WDR70: variants seen among roughly 807,000 people sequenced by gnomAD.
WDR70 encodes WD repeat-containing protein 70.
In WDR70, 53 loss-of-function variants were observed where a neutral mutation model predicts 88.6. That is an observed-to-expected ratio of 0.60 (90% confidence interval 0.48 to 0.75). The LOEUF (loss-of-function observed/expected upper bound fraction) is 0.75, where lower values mean the gene tolerates loss of function less well. Among genes scored for constraint, WDR70 ranks in the 30% least tolerant of loss-of-function variants. The probability of loss-of-function intolerance (pLI) is 0.00; values close to 1 mark genes in which losing one functional copy is unlikely to be tolerated. For missense variants in WDR70, 610 were observed against 823.2 expected (o/e 0.74, Z 3.17); for synonymous variants, 280 against 270.0 (o/e 1.04, Z -0.36).
At chr5:37,494,200 A>G (rs1740149077) in intron 8 of WDR70, among the ~76,000 whole-genome samples, 1 of 152,208 alleles carries the variant, frequency 6.6e-6, no homozygotes, top group Non-Finnish European at 1.5e-5. Flanking sequence ...TTTAGATAGG[A>G]AATGAATAAT....
chr5:37,480,056 C>G, intron 8 of WDR70, 69 bp downstream of exon 8: 1 of 1,524,468 alleles, frequency 6.6e-7, no homozygotes, highest in Non-Finnish European at 8.8e-7. Flanking sequence ...TTTGAGTTAT[C>G]ATGTAATAAT....
At chr5:37,563,469 G>T (rs1201066407) in intron 9 of WDR70, among the ~76,000 whole-genome samples, 1 of 54,696 alleles carries the variant, frequency 1.8e-5, no homozygotes, top group Non-Finnish European at 4.5e-5. Context: ...CGGCTGGCCG[G>T]GCAGAGGGGC....
At chr5:37,695,430 T>C (rs1746952502) in intron 10 of WDR70, among the ~76,000 whole-genome samples, 1 of 152,182 alleles carries the variant, frequency 6.6e-6, no homozygotes, top group Non-Finnish European at 1.5e-5. Flanking sequence ...ACCATGCCTT[T>C]GGTTTCTCAC....
intron 8 of WDR70, among the ~76,000 whole-genome samples, chr5:37,502,212 G>T (rs186341142): frequency 3.5e-4 from 54 of 152,130 alleles, no homozygotes; most frequent in African/African-American, 1.3e-3. Context: ...TTGTAAAAGG[G>T]ATTGATTTGA....
intron 3 of WDR70, among the ~76,000 whole-genome samples, chr5:37,386,649 T>TATA (rs1409398774): frequency 6.6e-6 from 1 of 152,192 alleles, no homozygotes; most frequent in African/African-American, 2.4e-5. Flanking sequence ...ATAGTAGATG[T>TATA]ATATATTTGT....
At chr5:37,548,421 G>A (rs1742054035) in intron 9 of WDR70, among the ~76,000 whole-genome samples, 2 of 152,028 alleles carry the variant, frequency 1.3e-5, no homozygotes, top group Non-Finnish European at 2.9e-5. Context: ...ATGTCTGTTT[G>A]CAATTTGTAT....
intron 9 of WDR70, among the ~76,000 whole-genome samples, chr5:37,595,185 G>A (rs942782298): frequency 1.3e-5 from 2 of 152,196 alleles, no homozygotes; most frequent in Non-Finnish European, 2.9e-5. Flanking sequence ...ATGTTGAATA[G>A]GAGTGGTGAG....
At chr5:37,743,242 A>G (rs1748538028) in intron 17 of WDR70, among the ~76,000 whole-genome samples, 1 of 152,226 alleles carries the variant, frequency 6.6e-6, no homozygotes, top group Non-Finnish European at 1.5e-5. Context: ...CGGTGAGTGA[A>G]CACGCTATCC....
chr5:37,629,750 T>C (rs1329822535), intron 10 of WDR70, among the ~76,000 whole-genome samples: 1 of 152,204 alleles, frequency 6.6e-6, no homozygotes, highest in East Asian at 1.9e-4. Context: ...AGATTATTAT[T>C]TTGAATTCTT....
At chr5:37,415,847 C>T (rs71370411) in intron 5 of WDR70, among the ~76,000 whole-genome samples, 4 of 149,786 alleles carry the variant, frequency 2.7e-5, no homozygotes, top group Admixed American at 6.6e-5. Flanking sequence ...CGCGGCCGGG[C>T]AGAGGCGCTC....
At chr5:37,624,982 TA>T (rs1744623673) in intron 10 of WDR70, among the ~76,000 whole-genome samples, 1 of 152,186 alleles carries the variant, frequency 6.6e-6, no homozygotes, top group Non-Finnish European at 1.5e-5. Context: ...AAAATTAGAA[TA>T]ATATTTATAG....
At chr5:37,383,666 G>A (rs538249593) in intron 3 of WDR70, among the ~76,000 whole-genome samples, 17 of 152,070 alleles carry the variant, frequency 1.1e-4, no homozygotes, top group Non-Finnish European at 2.4e-4. Context: ...TGCAAGCTCC[G>A]CCTCCCGGGT....
intron 17 of WDR70, among the ~76,000 whole-genome samples, chr5:37,739,708 A>C (rs2973074): frequency 0.79 from 120,222 of 151,922 alleles, 52,630 homozygotes; most frequent in East Asian, 1. Context: ...GGTTTGTTAC[A>C]TAGGTATACA....
intron 13 of WDR70, 39 bp from the exon 14 acceptor site, chr5:37,721,076 C>T: frequency 1.9e-6 from 3 of 1,577,282 alleles, no homozygotes. Context: ...CCATTTTTAT[C>T]TGGCCTCTTT....
Position 37,752,743 on chromosome 5 carries a change from A to C in WDR70, c.*170A>C, listed in dbSNP as rs1012077274. On this transcript the variant is annotated 3_prime_UTR_variant, in exon 18 of 18. Coordinates refer to ENST00000265107, the MANE Select transcript of WDR70 (RefSeq NM_018034.4). ...CTAGGCTTCACTAAAATTGTGCTTA[A>C]ATTTTCTTACCTGCAACTATTAAAC... The C allele has an allele frequency of 3.6e-6, 2 of 558,512 alleles. No homozygotes were observed. The highest frequency in any genetic ancestry group is 6.3e-6 in the Non-Finnish European group (2 of 318,874). The allele number at this position is 558,512 out of a possible 1,614,324, so 34.6% of individuals were successfully genotyped here.
At chr5:37,599,770 G>A (rs547709733) in intron 9 of WDR70, among the ~76,000 whole-genome samples, 21 of 152,148 alleles carry the variant, frequency 1.4e-4, no homozygotes, top group African/African-American at 5.1e-4. Context: ...GCGCGTGCCT[G>A]TACTCCTAGC....
intron 7 of WDR70, among the ~76,000 whole-genome samples, chr5:37,467,651 G>A (rs192986877): frequency 1.1e-4 from 16 of 151,326 alleles, no homozygotes; most frequent in Admixed American, 4.6e-4. Flanking sequence ...ATTCTCCTGC[G>A]TCAGCCTCCT....
intron 9 of WDR70, among the ~76,000 whole-genome samples, chr5:37,546,152 C>T (rs1214781069): frequency 2.0e-5 from 3 of 151,970 alleles, no homozygotes; most frequent in African/African-American, 7.3e-5. Context: ...GTTTGGATGG[C>T]CTTTGTTTAA....
chr5:37,504,360 G>A (rs535812013), intron 8 of WDR70, among the ~76,000 whole-genome samples: 6 of 151,334 alleles, frequency 4.0e-5, no homozygotes, highest in East Asian at 4.3e-4. Flanking sequence ...CCTTTTCAAC[G>A]CTTTATATCA....
Sources: gnomAD v4.1 joint callset for allele counts (sites outside exome capture counted in the v4.1 genomes callset) on GRCh38, gnomAD v4.1.1 for gene constraint, MANE v1.5 for transcripts, NCBI Gene and HGNC (gene_info 2026-07-23, HGNC 2026-07-21) for gene names.